PLEKHH2: variants seen among roughly 807,000 people sequenced by gnomAD.
PLEKHH2 encodes the protein pleckstrin homology domain-containing family H member 2.
A neutral mutation model predicts 187.9 loss-of-function variants in PLEKHH2; 129 were observed. The ratio of observed to expected loss-of-function variants is 0.69; its 90% CI spans 0.59 to 0.79. The LOEUF is 0.79. Ranked by LOEUF, PLEKHH2 falls within the 30% of genes least tolerant of loss-of-function variation. The probability of loss-of-function intolerance (pLI) is 0.00; values close to 1 mark genes in which losing one functional copy is unlikely to be tolerated. For missense variants in PLEKHH2, 2,076 were observed against 1,751.2 expected (o/e 1.19, Z -3.31); for synonymous variants, 686 against 605.6 (o/e 1.13, Z -1.95).
At chr2:43,674,603 T>C (rs1417277969) in intron 2 of PLEKHH2, among the ~76,000 whole-genome samples, 2 of 152,216 alleles carry the variant, frequency 1.3e-5, no homozygotes, top group African/African-American at 2.4e-5. Context: ...TATGAGGTAC[T>C]GAGAATGTAC....
At chr2:43,682,746 C>T (rs557688087) in intron 3 of PLEKHH2, among the ~76,000 whole-genome samples, 2 of 152,280 alleles carry the variant, frequency 1.3e-5, no homozygotes, top group African/African-American at 4.8e-5. Flanking sequence ...TCCCACTAGC[C>T]CCTGGCAACC....
chr2:43,717,063 G>C (rs748696806), intron 15 of PLEKHH2, among the ~76,000 whole-genome samples: 1 of 152,176 alleles, frequency 6.6e-6, no homozygotes, highest in African/African-American at 2.4e-5. Context: ...GCCAGGAGGG[G>C]ACTGATAAGC....
chr2:43,706,613 A>G (rs1669669842), intron 10 of PLEKHH2, among the ~76,000 whole-genome samples, 197 bp downstream of exon 10: 1 of 152,216 alleles, frequency 6.6e-6, no homozygotes, highest in African/African-American at 2.4e-5. Flanking sequence ...TCAGAATGTT[A>G]GAGGTCTGAG....
intron 19 of PLEKHH2, among the ~76,000 whole-genome samples, chr2:43,735,237 AG>A (rs1453149811): frequency 2.0e-5 from 3 of 152,210 alleles, no homozygotes; most frequent in African/African-American, 7.2e-5. Context: ...AATATTATTC[AG>A]CCATTACGAA....
chr2:43,731,828 T>C (rs1015133560), intron 19 of PLEKHH2, among the ~76,000 whole-genome samples: 9 of 152,200 alleles, frequency 5.9e-5, no homozygotes, highest in Admixed American at 2.0e-4. Flanking sequence ...ATGTGTATGG[T>C]TTGGGCAATG....
chr2:43,744,884 AAAAG>A (rs1418867557), intron 23 of PLEKHH2, among the ~76,000 whole-genome samples: 1 of 149,378 alleles, frequency 6.7e-6, no homozygotes, highest in East Asian at 1.9e-4. Context: ...AAAAAAAAAA[AAAAG>A]AAAAAGAAAA....
chr2:43,703,326 G>C (rs1313018135), intron 8 of PLEKHH2, among the ~76,000 whole-genome samples: 1 of 152,202 alleles, frequency 6.6e-6, no homozygotes, highest in East Asian at 1.9e-4. Flanking sequence ...TTTTTCAGAA[G>C]AGAAGAGAAA....
Position 43,712,399 on chromosome 2 carries a change from G to A in PLEKHH2, c.2460+16G>A. Reference sequence around the variant, plus strand: ...GCTCACTAAGGTAGGAACCTCCTGTGCATAGCAATGTCCCAGGCAGCTATG... The same window carrying A: ...GCTCACTAAGGTAGGAACCTCCTGTACATAGCAATGTCCCAGGCAGCTATG... On this transcript the variant is annotated intron_variant, in intron 15 of 29. Coordinates refer to ENST00000282406, the MANE Select transcript of PLEKHH2 (RefSeq NM_172069.4). The A allele has an allele frequency of 6.2e-7, 1 of 1,611,134 alleles. No homozygotes were observed. Among genetic ancestry groups the A allele is most frequent in the Admixed American group, 1.7e-5 (1 of 59,414 alleles).
intron 1 of PLEKHH2, among the ~76,000 whole-genome samples, chr2:43,644,015 C>T (rs1331281071): frequency 6.6e-6 from 1 of 152,204 alleles, no homozygotes; most frequent in South Asian, 2.1e-4. Flanking sequence ...TATGTGCCTT[C>T]TCTTACACCA....
chr2:43,763,411 A>T (rs1672505178), intron 28 of PLEKHH2, among the ~76,000 whole-genome samples: 1 of 150,062 alleles, frequency 6.7e-6, no homozygotes, highest in African/African-American at 2.5e-5. Flanking sequence ...ATTTTATTTT[A>T]TTTTATTGAT....
chr2:43,690,864 A>G (rs1380198355), intron 3 of PLEKHH2, among the ~76,000 whole-genome samples: 2 of 152,226 alleles, frequency 1.3e-5, no homozygotes, highest in East Asian at 3.8e-4. Context: ...TCAAGGATCA[A>G]GTTTGTGAGT....
chr2:43,738,538 T>C lies in PLEKHH2; in HGVS notation c.3123+18T>C. 1.9e-6 allele frequency: 3 copies of C among 1,573,984 alleles called. No individual in the cohort carries two copies. The highest frequency in any genetic ancestry group is 1.4e-5 in the African/African-American group (1 of 72,754). On this transcript the variant is annotated intron_variant, in intron 20 of 29. Coordinates refer to ENST00000282406, the MANE Select transcript of PLEKHH2 (RefSeq NM_172069.4). ...CATTGCAGGTAGATATTAATATTGATACATATACATGCAATTTAAAGTGTT... is the reference window on the plus strand; with the variant it reads ...CATTGCAGGTAGATATTAATATTGACACATATACATGCAATTTAAAGTGTT...
rs1669269811 is a variant in PLEKHH2, at chr2:43,699,903, C to A, written c.945C>A (p.Val315=). The change falls in exon 8 of 30, where the codon GTC becomes GTA. Residue 315 remains valine (V), a synonymous_variant. Coordinates refer to ENST00000282406, the MANE Select transcript of PLEKHH2 (RefSeq NM_172069.4). ...TLSSHTSEEG[V]QCSRMGSEMY... is the part of the protein sequence containing the mutation. ...CCAGTCACACATCTGAGGAAGGGGT[C>A]CAGTGTAGCAGGATGGGAAGTGAAA... 1 of 1,613,932 alleles carries A rather than the reference C, an allele frequency of 6.2e-7. No homozygotes were observed. The highest frequency in any genetic ancestry group is 1.3e-5 in the African/African-American group (1 of 74,876).
intron 4 of PLEKHH2, among the ~76,000 whole-genome samples, chr2:43,693,458 A>G (rs1042794128): frequency 1.3e-5 from 2 of 152,192 alleles, no homozygotes; most frequent in African/African-American, 4.8e-5. Context: ...AAAATGTATT[A>G]GTCACACCTG....
At position 43,699,824 on chromosome 2, in the gene PLEKHH2, A is replaced by G. The variant is rs1282638961; in HGVS notation, c.866A>G (p.Asp289Gly). 6.2e-7 allele frequency: 1 copy of G among 1,611,848 alleles called. No individual in the cohort carries two copies. The highest frequency in any genetic ancestry group is 2.2e-5 in the East Asian group (1 of 44,876). The part of the protein sequence containing the change: ...SGAPVSDWSS[D>G]EEDGSKGRSK... The stretch of plus-strand genomic sequence containing the variant: ...GCTCCTGTGAGTGACTGGAGCTCTG[A>G]TGAGGAAGACGGGAGCAAAGGAAGA... The change falls in exon 8 of 30, where the codon GAT becomes GGT. Residue 289 changes from aspartate (D) to glycine (G), a missense_variant. Transcript: ENST00000282406.
intron 13 of PLEKHH2, 52 bp downstream of exon 13, chr2:43,710,382 A>C: frequency 6.3e-7 from 1 of 1,591,286 alleles, no homozygotes; most frequent in Non-Finnish European, 8.6e-7. Context: ...ACTATAAATC[A>C]GACGCCTGAT....
rs1672605412 is a variant in PLEKHH2, at chr2:43,765,921, T to G, written c.*323T>G. The G allele has an allele frequency of 4.5e-6, 1 of 220,988 alleles. No homozygotes were observed. Among genetic ancestry groups the G allele is most frequent in the Non-Finnish European group, 8.8e-6 (1 of 113,646 alleles). The allele number at this position is 220,988 out of a possible 1,614,324, so 13.7% of individuals were successfully genotyped here. On this transcript the variant is annotated 3_prime_UTR_variant, in exon 30 of 30. Coordinates refer to ENST00000282406, the MANE Select transcript of PLEKHH2 (RefSeq NM_172069.4). The stretch of plus-strand genomic sequence containing the variant: ...TTCTTTTCTTTTCTTTTTTTCCCCT[T>G]TTTAATATTCTGGCAATCTTTAGAA...
At chr2:43,744,550 G>T (rs72871683) in intron 23 of PLEKHH2, among the ~76,000 whole-genome samples, 12,430 of 150,762 alleles carry the variant, frequency 0.082, 621 homozygotes, top group South Asian at 0.15. Context: ...GAAGGCCTGA[G>T]CTGGAAATGA....
chr2:43,761,775 A>G (rs1015345931), intron 27 of PLEKHH2, among the ~76,000 whole-genome samples: 1 of 152,190 alleles, frequency 6.6e-6, no homozygotes, highest in African/African-American at 2.4e-5. Context: ...ACTATTGATT[A>G]CACAGTTTCA....
Sources: gnomAD v4.1 joint callset for allele counts (sites outside exome capture counted in the v4.1 genomes callset) on GRCh38, gnomAD v4.1.1 for gene constraint, MANE v1.5 for transcripts, NCBI Gene and HGNC (gene_info 2026-07-23, HGNC 2026-07-21) for gene names.